PRKAR1A: variants seen among roughly 807,000 people sequenced by gnomAD.
The protein encoded by PRKAR1A is protein kinase cAMP-dependent type I regulatory subunit alpha.
A neutral mutation model predicts 52.0 loss-of-function variants in PRKAR1A; 3 were observed. The ratio of observed to expected loss-of-function variants is 0.06; its 90% CI spans 0.03 to 0.15. PRKAR1A has a LOEUF of 0.15. Among genes scored for constraint, PRKAR1A ranks in the 10% least tolerant of loss-of-function variants. The pLI is 1.00. For synonymous variants in PRKAR1A, 188 were observed against 168.4 expected, an observed-to-expected ratio of 1.12 and a Z score of -0.90; for missense variants, 240 against 477.4, an observed-to-expected ratio of 0.50 and a Z score of 4.63.
chr17:68,520,551 A>G (rs2085573162), intron 2 of PRKAR1A, among the ~76,000 whole-genome samples: 1 of 152,152 alleles, frequency 6.6e-6, no homozygotes, highest in South Asian at 2.1e-4. Context: ...ACGTCAAGGT[A>G]TTTAGGTTAT....
chr17:68,501,940 C>T, the PRKAR1A span, among the ~76,000 whole-genome samples: 3 of 152,202 alleles, frequency 2.0e-5, no homozygotes, highest in African/African-American at 7.2e-5. Flanking sequence ...TCTTTGAGTC[C>T]TTCCTGTCTC....
At chr17:68,473,918 A>C in the PRKAR1A span, among the ~76,000 whole-genome samples, 1 of 152,208 alleles carries the variant, frequency 6.6e-6, no homozygotes, top group East Asian at 1.9e-4. Context: ...AAAACCTTGG[A>C]AACTGGGAGA....
At chr17:68,473,336 G>A in the PRKAR1A span, among the ~76,000 whole-genome samples, 1 of 152,148 alleles carries the variant, frequency 6.6e-6, no homozygotes, top group Non-Finnish European at 1.5e-5. Flanking sequence ...GAGCCCAGGA[G>A]TTGGAGACCA....
Position 68,531,025 on chromosome 17 carries a change from GT to G in PRKAR1A, c.*587del, listed in dbSNP as rs398041821. On this transcript the variant is annotated 3_prime_UTR_variant, in exon 11 of 11. Transcript: ENST00000589228. ...TTATCAATGGGATATGATTGGTTCA[GT>G]TTTTTTTTTTCCAGAGTTGTTGTTT... 346 of 1,003,784 alleles carry G rather than the reference GT, an allele frequency of 3.4e-4. 4 individuals are homozygous for G. The Admixed American group carries it at 3.9e-3, about 11-fold the overall frequency. 62.2% of individuals were successfully genotyped at this position (1,003,784 alleles called of 1,614,324 possible).
chr17:68,483,456 G>A, the PRKAR1A span, among the ~76,000 whole-genome samples: 1 of 152,134 alleles, frequency 6.6e-6, no homozygotes, highest in South Asian at 2.1e-4. Flanking sequence ...ACTCCAGTCT[G>A]GGAAATAGAG....
At chr17:68,435,772 C>G in the PRKAR1A span, 1 of 1,458,806 alleles carries the variant, frequency 6.9e-7, no homozygotes, top group Non-Finnish European at 9.6e-7. Context: ...TGGATTTCAC[C>G]TCCCTCCCCT....
At chr17:68,486,382 CTTTCTCTT>C in the PRKAR1A span, among the ~76,000 whole-genome samples, 100 of 103,338 alleles carry the variant, frequency 9.7e-4, 1 homozygote, top group African/African-American at 3.5e-3. Context: ...TTCTTTCTTT[CTTTCTCTT>C]TCTTTCTTTC....
the PRKAR1A span, chr17:68,450,688 T>C: frequency 1.3e-6 from 2 of 1,569,092 alleles, no homozygotes; most frequent in Admixed American, 1.9e-5. Flanking sequence ...TGGCTCCCGT[T>C]AGCAGAAGCT....
Position 68,528,875 on chromosome 17 carries a change from C to T in PRKAR1A, c.775C>T (p.Leu259=). 1 of 1,613,860 alleles carries T rather than the reference C, an allele frequency of 6.2e-7. No individual in the cohort carries two copies. Among genetic ancestry groups the T allele is most frequent in the African/African-American group, 1.3e-5 (1 of 75,034 alleles). ...TTTTGATTCTTGTCTTTCAGAGTCT[C>T]TGGACAAGTGGGAACGTCTTACGGT... ...FLSKVSILES[L]DKWERLTVAD... is the part of the protein sequence containing the mutation. The change falls in exon 9 of 11, where the codon CTG becomes TTG. Residue 259 remains leucine (L), a synonymous_variant. Transcript: ENST00000589228.
At chr17:68,427,472 T>C in the PRKAR1A span, 3,938 of 349,726 alleles carry the variant, frequency 0.011, 244 homozygotes, top group East Asian at 0.17. Flanking sequence ...TTCTCCTGCC[T>C]CAGCCTCCCG....
At chr17:68,519,787 A>G (rs533690203) in intron 2 of PRKAR1A, among the ~76,000 whole-genome samples, 1 of 152,352 alleles carries the variant, frequency 6.6e-6, no homozygotes, top group South Asian at 2.1e-4. Flanking sequence ...AGGTAAGAGG[A>G]ATTAAAATAA....
chr17:68,511,278 G>C (rs1469873984), upstream of PRKAR1A, among the ~76,000 whole-genome samples: 1 of 152,112 alleles, frequency 6.6e-6, no homozygotes, highest in Admixed American at 6.5e-5. Context: ...GCAGCCCCTA[G>C]CCAGACACTT....
the PRKAR1A span, among the ~76,000 whole-genome samples, chr17:68,487,207 C>T: frequency 6.6e-6 from 1 of 152,192 alleles, no homozygotes; most frequent in South Asian, 2.1e-4. Context: ...CATGTACACA[C>T]ATTGCACAGT....
rs759198225 is a variant in PRKAR1A, at chr17:68,543,871, C to T, written c.974-7213C>T. ...GATGGCACGGCAAGTCAGGAATGGC[C>T]TGTGGCTCCCTTCGCCAGGAGAAGA... is the stretch of plus-strand genomic sequence containing the variant. On this transcript the variant is annotated intron_variant, in intron 11 of 11. Transcript: ENST00000585981. 5.5e-6 allele frequency: 4 copies of T among 726,246 alleles called. No individual in the cohort carries two copies. The East Asian group carries it at 8.0e-5, about 15-fold the overall frequency. 45.0% of individuals were successfully genotyped at this position (726,246 alleles called of 1,614,324 possible).
the PRKAR1A span, among the ~76,000 whole-genome samples, chr17:68,470,596 A>C: frequency 6.6e-6 from 1 of 152,230 alleles, no homozygotes; most frequent in African/African-American, 2.4e-5. Context: ...GCATTCCTCA[A>C]ATCTGCCAAA....
upstream of PRKAR1A, among the ~76,000 whole-genome samples, chr17:68,507,385 A>C (rs1331476822): frequency 2.6e-5 from 4 of 152,208 alleles, no homozygotes; most frequent in Non-Finnish European, 5.9e-5. Context: ...ATCTTCAGCA[A>C]ACTAACACAG....
At chr17:68,462,815 G>T in the PRKAR1A span, among the ~76,000 whole-genome samples, 10 of 152,216 alleles carry the variant, frequency 6.6e-5, no homozygotes, top group Admixed American at 6.5e-4. Context: ...AGAGATAGAG[G>T]CAGAATTGTG....
chr17:68,511,738 G>A (rs984786106), upstream of PRKAR1A: 23 of 152,132 alleles, frequency 1.5e-4, no homozygotes, highest in Admixed American at 4.6e-4. Flanking sequence ...CTGAGCCCGG[G>A]GCCCGGGCGG....
At chr17:68,463,644 G>A in the PRKAR1A span, among the ~76,000 whole-genome samples, 1 of 152,206 alleles carries the variant, frequency 6.6e-6, no homozygotes, top group Admixed American at 6.5e-5. Flanking sequence ...TTTGCATAGG[G>A]TGGGCAGGGA....
Sources: gnomAD v4.1 joint callset for allele counts (sites outside exome capture counted in the v4.1 genomes callset) on GRCh38, gnomAD v4.1.1 for gene constraint, MANE v1.5 for transcripts, NCBI Gene and HGNC (gene_info 2026-07-23, HGNC 2026-07-21) for gene names.